The following SGCZ variants were observed in gnomAD, a reference collection of about 807,000 sequenced individuals.
SGCZ encodes sarcoglycan zeta.
A neutral mutation model predicts 41.3 loss-of-function variants in SGCZ; 40 were observed. The ratio of observed to expected loss-of-function variants is 0.97; its 90% CI spans 0.75 to 1.26. SGCZ has a LOEUF of 1.26. Among genes scored for constraint, SGCZ ranks in the 50% most tolerant of loss-of-function variants. SGCZ has a pLI of 0.00. For missense variants in SGCZ, 552 were observed against 369.8 expected (o/e 1.49, Z -4.04); for synonymous variants, 206 against 137.5 (o/e 1.50, Z -3.49).
chr8:14,136,222 C>A (rs1328701021), intron 5 of SGCZ, among the ~76,000 whole-genome samples: 1 of 152,118 alleles, frequency 6.6e-6, no homozygotes, highest in Non-Finnish European at 1.5e-5. Context: ...GTCTACAGCT[C>A]CCAGTGTGAG....
chr8:14,449,049 T>C (rs916673997), intron 2 of SGCZ, among the ~76,000 whole-genome samples: 9 of 152,198 alleles, frequency 5.9e-5, no homozygotes, highest in Non-Finnish European at 1.2e-4. Context: ...ACTTATGCTC[T>C]GATGCCTCCT....
chr8:14,232,056 T>C (rs1471164888), intron 4 of SGCZ, among the ~76,000 whole-genome samples: 1 of 151,888 alleles, frequency 6.6e-6, no homozygotes, highest in Admixed American at 6.6e-5. Context: ...ACTCAAAAAA[T>C]ACAGGAAAAC....
chr8:14,896,283 A>G (rs1297385045), intron 1 of SGCZ, among the ~76,000 whole-genome samples: 1 of 152,260 alleles, frequency 6.6e-6, no homozygotes, highest in East Asian at 1.9e-4. Flanking sequence ...CAAATGAAAG[A>G]TATCTGGGGA....
At chr8:14,992,810 A>C (rs1388783341) in intron 1 of SGCZ, among the ~76,000 whole-genome samples, 1 of 141,686 alleles carries the variant, frequency 7.1e-6, no homozygotes, top group African/African-American at 2.7e-5. Flanking sequence ...GTTACCCTTG[A>C]TATTTACCCC....
intron 1 of SGCZ, among the ~76,000 whole-genome samples, chr8:14,738,925 G>A (rs138022687): frequency 6.6e-6 from 1 of 152,164 alleles, no homozygotes; most frequent in East Asian, 1.9e-4. Flanking sequence ...TCTCTGGGAG[G>A]AAGAACCTAC....
chr8:14,887,770 T>C (rs755607849), intron 1 of SGCZ, among the ~76,000 whole-genome samples: 10 of 152,176 alleles, frequency 6.6e-5, no homozygotes, highest in Non-Finnish European at 1.5e-4. Flanking sequence ...TGAAATCCCT[T>C]AAGAAAATAG....
intron 1 of SGCZ, among the ~76,000 whole-genome samples, chr8:14,722,036 C>T (rs755109087): frequency 1.3e-5 from 2 of 152,122 alleles, no homozygotes; most frequent in South Asian, 2.1e-4. Flanking sequence ...TTTTGAATGT[C>T]ATCTTCTCAG....
At chr8:15,164,804 C>G (rs1457065442) in intron 1 of SGCZ, among the ~76,000 whole-genome samples, 1 of 152,110 alleles carries the variant, frequency 6.6e-6, no homozygotes, top group Non-Finnish European at 1.5e-5. Context: ...TGCTGCAAGC[C>G]TCCATCTTGT....
chr8:14,960,286 A>C (rs1393662786), intron 1 of SGCZ, among the ~76,000 whole-genome samples: 1 of 152,000 alleles, frequency 6.6e-6, no homozygotes. Context: ...AAAATTCTAT[A>C]ATTTCCTTGG....
rs571133438 is a variant in SGCZ, at chr8:14,099,652, G to C, written c.744+2724C>G. On this transcript the variant is annotated intron_variant, in intron 7 of 7. Coordinates refer to ENST00000382080, the MANE Select transcript of SGCZ (RefSeq NM_139167.4). ...AGGCAGGACAATCGCTTGAACCCAG[G>C]GGGTGGAGGTTGCAGTGACCCAAGG... Among the ~76,000 whole-genome samples, 47 of 152,216 alleles carry C rather than the reference G, an allele frequency of 3.1e-4. 1 individual carries two copies. The highest frequency in any genetic ancestry group is 1.1e-3 in the African/African-American group (45 of 41,538).
intron 1 of SGCZ, among the ~76,000 whole-genome samples, chr8:14,869,311 C>A (rs181199889): frequency 6.6e-6 from 1 of 152,140 alleles, no homozygotes; most frequent in African/African-American, 2.4e-5. Context: ...CGTAATCCAT[C>A]ACATATACAG....
At chr8:14,584,327 T>C (rs1321750875) in intron 1 of SGCZ, among the ~76,000 whole-genome samples, 4 of 152,132 alleles carry the variant, frequency 2.6e-5, no homozygotes, top group African/African-American at 9.6e-5. Flanking sequence ...ATTATGGTTG[T>C]GTGGTAAGTA....
intron 1 of SGCZ, among the ~76,000 whole-genome samples, chr8:14,714,984 G>A (rs1208831909): frequency 6.6e-6 from 1 of 152,090 alleles, no homozygotes; most frequent in African/African-American, 2.4e-5. Context: ...TTCAAATGCA[G>A]TGGTTTAGCC....
intron 5 of SGCZ, among the ~76,000 whole-genome samples, chr8:14,135,022 A>T (rs1803155161): frequency 6.6e-6 from 1 of 152,234 alleles, no homozygotes; most frequent in Non-Finnish European, 1.5e-5. Flanking sequence ...AGAATGGAGT[A>T]GTTAAAACAG....
intron 1 of SGCZ, among the ~76,000 whole-genome samples, chr8:14,785,324 T>G (rs1444956362): frequency 6.6e-6 from 1 of 152,038 alleles, no homozygotes; most frequent in African/African-American, 2.4e-5. Context: ...TGGATTTCAA[T>G]GCCTAGCTAA....
At chr8:14,133,897 T>C (rs1207916721) in intron 5 of SGCZ, among the ~76,000 whole-genome samples, 3 of 152,194 alleles carry the variant, frequency 2.0e-5, no homozygotes, top group Admixed American at 1.3e-4. Context: ...TTTTCCAACA[T>C]TGACTACTTA....
chr8:14,791,619 A>C (rs1178206964), intron 1 of SGCZ, among the ~76,000 whole-genome samples: 2 of 152,184 alleles, frequency 1.3e-5, no homozygotes, highest in Admixed American at 1.3e-4. Context: ...CAATATAACC[A>C]AGCGTACAGC....
chr8:14,802,853 C>T (rs574823212), intron 1 of SGCZ, among the ~76,000 whole-genome samples: 1 of 152,228 alleles, frequency 6.6e-6, no homozygotes, highest in South Asian at 2.1e-4. Flanking sequence ...ACCAAAGCAT[C>T]CTGTTACAGG....
At chr8:15,065,748 G>A (rs921631525) in intron 1 of SGCZ, among the ~76,000 whole-genome samples, 1 of 151,932 alleles carries the variant, frequency 6.6e-6, no homozygotes, top group African/African-American at 2.4e-5. Flanking sequence ...TGTAATTCTT[G>A]AGTCACTTAT....
Sources: gnomAD v4.1 joint callset for allele counts (sites outside exome capture counted in the v4.1 genomes callset) on GRCh38, gnomAD v4.1.1 for gene constraint, MANE v1.5 for transcripts, NCBI Gene and HGNC (gene_info 2026-07-23, HGNC 2026-07-21) for gene names.